SGCZ: variants seen among roughly 807,000 people sequenced by gnomAD.
The protein encoded by SGCZ is zeta-sarcoglycan.
A neutral mutation model predicts 41.3 loss-of-function variants in SGCZ; 40 were observed. The observed-to-expected ratio is 0.97, with a 90% CI of 0.75 to 1.26. SGCZ has a LOEUF of 1.26. SGCZ is among the 50% of genes most tolerant of loss of function. SGCZ has a pLI of 0.00. For missense variants in SGCZ, 552 were observed against 369.8 expected, an observed-to-expected ratio of 1.49 and a Z score of -4.04; for synonymous variants, 206 against 137.5, an observed-to-expected ratio of 1.50 and a Z score of -3.49.
chr8:15,170,732 A>C (rs1799802914), intron 1 of SGCZ, among the ~76,000 whole-genome samples: 1 of 152,196 alleles, frequency 6.6e-6, no homozygotes, highest in African/African-American at 2.4e-5. Flanking sequence ...GTGTTTTAGT[A>C]TCTTTGTATA....
intron 4 of SGCZ, among the ~76,000 whole-genome samples, chr8:14,233,746 C>T (rs1022649195): frequency 2.6e-5 from 4 of 151,178 alleles, no homozygotes; most frequent in Non-Finnish European, 5.9e-5. Context: ...ATATATAACA[C>T]ACCTAAAGTC....
At chr8:14,147,747 CAA>C (rs968992767) in intron 5 of SGCZ, among the ~76,000 whole-genome samples, 1 of 152,008 alleles carries the variant, frequency 6.6e-6, no homozygotes, top group Admixed American at 6.6e-5. Flanking sequence ...AAAATGGCTA[CAA>C]AATACATATT....
At chr8:14,658,335 T>G (rs1048957929) in intron 1 of SGCZ, among the ~76,000 whole-genome samples, 2 of 152,198 alleles carry the variant, frequency 1.3e-5, no homozygotes, top group East Asian at 3.9e-4. Context: ...TTGTCCTAAC[T>G]AGTCTGCTGC....
intron 2 of SGCZ, among the ~76,000 whole-genome samples, chr8:14,344,546 C>A (rs1253681098): frequency 1.3e-5 from 2 of 152,064 alleles, no homozygotes; most frequent in South Asian, 2.1e-4. Context: ...CCAACCTACA[C>A]CTTATAACAA....
chr8:14,618,437 T>C (rs894712689), intron 1 of SGCZ, among the ~76,000 whole-genome samples: 1 of 152,092 alleles, frequency 6.6e-6, no homozygotes, highest in Non-Finnish European at 1.5e-5. Flanking sequence ...AAGTCCAGTA[T>C]AGAGGTCCTA....
intron 1 of SGCZ, among the ~76,000 whole-genome samples, chr8:14,790,005 T>A (rs1282949723): frequency 1.3e-5 from 2 of 152,196 alleles, no homozygotes; most frequent in Non-Finnish European, 2.9e-5. Context: ...GTAAATAACA[T>A]ATAAATAATA....
intron 3 of SGCZ, among the ~76,000 whole-genome samples, chr8:14,261,483 T>A (rs753738545): frequency 7.9e-5 from 12 of 152,138 alleles, no homozygotes; most frequent in Non-Finnish European, 1.6e-4. Flanking sequence ...CTTCTGAAGC[T>A]CTACAATGAG....
At chr8:14,427,905 C>T (rs1193066673) in intron 2 of SGCZ, among the ~76,000 whole-genome samples, 2 of 152,058 alleles carry the variant, frequency 1.3e-5, no homozygotes, top group Non-Finnish European at 2.9e-5. Context: ...AACAGTACAA[C>T]AACCATTTAC....
intron 1 of SGCZ, among the ~76,000 whole-genome samples, chr8:15,040,089 C>T (rs1242062830): frequency 6.6e-6 from 1 of 152,188 alleles, no homozygotes; most frequent in Non-Finnish European, 1.5e-5. Flanking sequence ...CAAGCTCATA[C>T]AGCAGCTATT....
intron 2 of SGCZ, among the ~76,000 whole-genome samples, chr8:14,506,882 GCTC>G (rs1307409933): frequency 6.6e-6 from 1 of 152,096 alleles, no homozygotes; most frequent in African/African-American, 2.4e-5. Flanking sequence ...TCCTTTGCAG[GCTC>G]CTCCTCATCC....
At position 14,153,542 on chromosome 8, in the gene SGCZ, A is replaced by G. The variant is rs547139792; in HGVS notation, c.547+11038T>C. 6.6e-4 allele frequency among the ~76,000 whole-genome samples: 101 copies of G among 152,130 alleles called. 1 individual carries two copies. The highest frequency in any genetic ancestry group is 1.2e-3 in the Non-Finnish European group (83 of 68,016). On this transcript the variant is annotated intron_variant, in intron 5 of 7. Coordinates refer to ENST00000382080, the MANE Select transcript of SGCZ (RefSeq NM_139167.4). The stretch of plus-strand genomic sequence containing the variant: ...CTGTCACTGAGAAGAACAAAGAGAG[A>G]AATAAAATGGACCCAAACTTTAGGA...
intron 1 of SGCZ, among the ~76,000 whole-genome samples, chr8:15,146,263 T>A (rs988198294): frequency 6.6e-6 from 1 of 152,164 alleles, no homozygotes; most frequent in African/African-American, 2.4e-5. Context: ...ATGATGTAAA[T>A]GCCTACCGTT....
At chr8:14,874,597 A>G (rs901962733) in intron 1 of SGCZ, among the ~76,000 whole-genome samples, 1 of 152,162 alleles carries the variant, frequency 6.6e-6, no homozygotes, top group African/African-American at 2.4e-5. Context: ...CTCTTCTAAT[A>G]TAAAATTCAA....
At chr8:14,353,471 T>A (rs747327017) in intron 2 of SGCZ, among the ~76,000 whole-genome samples, 3 of 152,084 alleles carry the variant, frequency 2.0e-5, no homozygotes, top group Non-Finnish European at 2.9e-5. Context: ...ACTGGACAGC[T>A]CCACTCTGAT....
chr8:14,802,861 A>C (rs556974844), intron 1 of SGCZ, among the ~76,000 whole-genome samples: 1 of 152,158 alleles, frequency 6.6e-6, no homozygotes, highest in Non-Finnish European at 1.5e-5. Context: ...ATCCTGTTAC[A>C]GGCACTCAAC....
intron 3 of SGCZ, 106 bp from the exon 4 acceptor site, chr8:14,237,785 G>T: frequency 9.8e-7 from 1 of 1,015,616 alleles, no homozygotes; most frequent in Non-Finnish European, 1.5e-6. Flanking sequence ...TAATTTGTTT[G>T]CTCTATATTA....
At chr8:15,009,419 A>T (rs1319900787) in intron 1 of SGCZ, among the ~76,000 whole-genome samples, 1 of 152,234 alleles carries the variant, frequency 6.6e-6, no homozygotes, top group African/African-American at 2.4e-5. Context: ...TTACAATTCT[A>T]CATGAGATTT....
chr8:14,954,767 C>T (rs1800742862), intron 1 of SGCZ, among the ~76,000 whole-genome samples: 2 of 152,240 alleles, frequency 1.3e-5, no homozygotes, highest in South Asian at 2.1e-4. Context: ...CAAGCAGGTC[C>T]ATTATCTTCA....
At chr8:14,419,915 C>G (rs17301803) in intron 2 of SGCZ, among the ~76,000 whole-genome samples, 37,177 of 151,902 alleles carry the variant, frequency 0.24, 5,760 homozygotes, top group Non-Finnish European at 0.36. Context: ...AAGCATGTAC[C>G]TTTTTCATCC....
Sources: allele counts gnomAD v4.1 joint callset (sites outside exome capture counted in the v4.1 genomes callset), GRCh38; gene constraint gnomAD v4.1.1; transcripts MANE v1.5; gene names NCBI Gene and HGNC (gene_info 2026-07-23, HGNC 2026-07-21).